ZNF684: variants seen among roughly 807,000 people sequenced by gnomAD.
The protein encoded by ZNF684 is hypothetical protein MGC27466.
ZNF684 carries 13 observed loss-of-function variants against 12.8 expected under a neutral mutation model. That is an observed-to-expected ratio of 1.02 (90% confidence interval 0.66 to 1.62). The LOEUF (loss-of-function observed/expected upper bound fraction) is 1.62. Among genes scored for constraint, ZNF684 ranks in the 40% most tolerant of loss-of-function variants. The pLI, the probability that ZNF684 is intolerant of heterozygous loss-of-function variation, is 0.00. For missense variants in ZNF684, 384 were observed against 446.9 expected (o/e 0.86, Z 1.27); for synonymous variants, 118 against 151.8 (o/e 0.78, Z 1.64).
intron 2 of ZNF684, among the ~76,000 whole-genome samples, chr1:40,537,013 C>T (rs1645989212): frequency 6.6e-6 from 1 of 152,112 alleles, no homozygotes; most frequent in African/African-American, 2.4e-5. Context: ...ATTTTTATTC[C>T]TTTGGGTATA....
Position 40,541,691 on chromosome 1 carries a change from TC to T in ZNF684, c.221del (p.Pro74HisfsTer27), listed in dbSNP as rs777265028. 4 of 1,613,056 alleles carry T rather than the reference TC, an allele frequency of 2.5e-6. No homozygotes were observed. The African/African-American group carries it at 5.3e-5, about 22-fold the overall frequency. On this transcript the variant is annotated frameshift_variant, in exon 4 of 5. Transcript: ENST00000372699. LOFTEE classifies it low-confidence loss of function (END_TRUNC). ...QEPWMVEGAN[P>X]HESSPESDYP... ...AGCCATGGATGGTGGAGGGAGCGAA[TC>T]CACACGAGAGCTCTCCAGGTGAGTG... is the stretch of plus-strand genomic sequence containing the variant.
chr1:40,546,117 T>G (rs1646045679), intron 4 of ZNF684, among the ~76,000 whole-genome samples: 1 of 152,026 alleles, frequency 6.6e-6, no homozygotes, highest in African/African-American at 2.4e-5. Context: ...GAGACCAGGT[T>G]TCACCATGTT....
At chr1:40,533,754 C>G (rs945860256) in intron 2 of ZNF684, among the ~76,000 whole-genome samples, 1 of 151,248 alleles carries the variant, frequency 6.6e-6, no homozygotes, top group African/African-American at 2.4e-5. Flanking sequence ...ATTTACTCTT[C>G]TACATGAATT....
intron 2 of ZNF684, among the ~76,000 whole-genome samples, chr1:40,534,783 A>G (rs1645975554): frequency 6.6e-6 from 1 of 151,694 alleles, no homozygotes; most frequent in African/African-American, 2.4e-5. Flanking sequence ...GCTTGAGGCC[A>G]GGAGTTCAAG....
Position 40,548,144 on chromosome 1 carries a change from TA to T in ZNF684, c.*687del, listed in dbSNP as rs1646061980. 1 of 152,266 alleles carries T rather than the reference TA, an allele frequency of 6.6e-6. No homozygotes were observed. Among genetic ancestry groups the T allele is most frequent in the African/African-American group, 2.4e-5 (1 of 41,474 alleles). 9.4% of individuals were successfully genotyped at this position (152,266 alleles called of 1,614,324 possible). A position where few individuals can be genotyped will look rare whatever the true frequency, so the allele number is the denominator to read the frequency against. ...TGAGGAAAAGAATTATTTAAATATGTAAATAAATAATTTGCACTTCAAATAT... is the reference window on the plus strand; with the variant it reads ...TGAGGAAAAGAATTATTTAAATATGTAATAAATAATTTGCACTTCAAATAT... On this transcript the variant is annotated 3_prime_UTR_variant, in exon 5 of 5. Transcript: ENST00000372699.
At chr1:40,532,488 C>T (rs1325113253) in intron 1 of ZNF684, among the ~76,000 whole-genome samples, 1 of 151,198 alleles carries the variant, frequency 6.6e-6, no homozygotes, top group East Asian at 1.9e-4. Flanking sequence ...CTTGGTGTAT[C>T]TGCAGATCTT....
chr1:40,541,396 G>A, intron 3 of ZNF684: 1 of 363,592 alleles, frequency 2.8e-6, no homozygotes, highest in Non-Finnish European at 5.4e-6. Context: ...TGTTAGCCAG[G>A]ATGGTCTCGA....
At chr1:40,543,175 T>G (rs756220408) in intron 4 of ZNF684, among the ~76,000 whole-genome samples, 1 of 152,236 alleles carries the variant, frequency 6.6e-6, no homozygotes, top group Non-Finnish European at 1.5e-5. Flanking sequence ...AGCTGAATTT[T>G]AATTACTGAT....
In ZNF684 at chr1:40,547,555, G is replaced by T; in HGVS notation, c.*95G>T. 5.9e-6 allele frequency: 7 copies of T among 1,182,390 alleles called. No individual in the cohort carries two copies. The highest frequency in any genetic ancestry group is 8.0e-6 in the Non-Finnish European group (7 of 877,400). The allele number at this position is 1,182,390 out of a possible 1,614,324, so 73.2% of individuals were successfully genotyped here. On this transcript the variant is annotated 3_prime_UTR_variant, in exon 5 of 5. Coordinates refer to ENST00000372699, the MANE Select transcript of ZNF684 (RefSeq NM_152373.4). ...ATGGTGAGAAGTCTACAATTTAAATGAATTTGGAAGAGTAGATTCCCATAA... is the reference window on the plus strand; with the variant it reads ...ATGGTGAGAAGTCTACAATTTAAATTAATTTGGAAGAGTAGATTCCCATAA...
intron 4 of ZNF684, among the ~76,000 whole-genome samples, chr1:40,545,512 T>A (rs1194277521): frequency 6.6e-6 from 1 of 152,126 alleles, no homozygotes; most frequent in Non-Finnish European, 1.5e-5. Context: ...AATAAAAAAA[T>A]AATAGCAAAT....
intron 4 of ZNF684, 150 bp from the exon 5 acceptor site, chr1:40,546,412 A>G (rs1313467089): frequency 4.2e-6 from 3 of 717,592 alleles, no homozygotes; most frequent in Non-Finnish European, 6.4e-6. Flanking sequence ...TTCCCTCTTC[A>G]GCAGTTTTAT....
rs191120037 is a variant in ZNF684 at position 40,547,501 on chromosome 1, G to T, written c.*41G>T. 1 of 1,491,360 alleles carries T rather than the reference G, an allele frequency of 6.7e-7. No homozygotes were observed. The highest frequency in any genetic ancestry group is 1.4e-5 in the African/African-American group (1 of 70,718). 92.4% of individuals were successfully genotyped at this position (1,491,360 alleles called of 1,614,324 possible). ...TATGAGAAGGCCTTATTAAATATTTGCTAAATCTTATTAAATACTAAAGAA... is the reference window on the plus strand; with the variant it reads ...TATGAGAAGGCCTTATTAAATATTTTCTAAATCTTATTAAATACTAAAGAA... On this transcript the variant is annotated 3_prime_UTR_variant, in exon 5 of 5. Transcript: ENST00000372699.
intron 4 of ZNF684, among the ~76,000 whole-genome samples, chr1:40,543,908 T>G (rs1013385382): frequency 3.3e-5 from 5 of 152,198 alleles, no homozygotes; most frequent in African/African-American, 1.2e-4. Context: ...GCCAATTCTA[T>G]TATGACTCTG....
chr1:40,541,255 TGC>T, intron 3 of ZNF684: 1 of 165,880 alleles, frequency 6.0e-6, no homozygotes, highest in Non-Finnish European at 1.3e-5. Context: ...AGTGCAGTGG[TGC>T]AATCTCGGCT....
chr1:40,541,770 G>A (rs1646017955), intron 4 of ZNF684, 60 bp downstream of exon 4: 1 of 1,400,676 alleles, frequency 7.1e-7, no homozygotes, highest in African/African-American at 1.4e-5. Context: ...GGTCAGTGAG[G>A]GACAGGAAGT....
At chr1:40,533,242 G>A (rs1645967131) in intron 2 of ZNF684, 61 bp downstream of exon 2, 1 of 1,497,212 alleles carries the variant, frequency 6.7e-7, no homozygotes, top group African/African-American at 1.4e-5. Flanking sequence ...ATGATAAAAA[G>A]GAAATGTATG....
intron 2 of ZNF684, among the ~76,000 whole-genome samples, chr1:40,538,420 C>T (rs1645996371): frequency 6.6e-6 from 1 of 152,208 alleles, no homozygotes; most frequent in Non-Finnish European, 1.5e-5. Context: ...AGTTCATGGA[C>T]ACCAGATTAT....
At chr1:40,533,823 C>CTT (rs574077502) in intron 2 of ZNF684, among the ~76,000 whole-genome samples, 15,342 of 123,760 alleles carry the variant, frequency 0.12, 1,342 homozygotes, top group East Asian at 0.33. Context: ...GTTAGGTATT[C>CTT]TTTTTTTTTT....
In ZNF684 at chr1:40,539,090, C is replaced by T. The variant is rs1252211534; in HGVS notation, c.16-1496C>T. On this transcript the variant is annotated intron_variant, in intron 2 of 4. Coordinates refer to ENST00000372699, the MANE Select transcript of ZNF684 (RefSeq NM_152373.4). The stretch of plus-strand genomic sequence containing the variant: ...TGTCACCCAGGCTGGAGTGCAGTGG[C>T]GCAATCTCGGCTCACTGCAACCTCC... Among the ~76,000 whole-genome samples the T allele has an allele frequency of 4.0e-5, 6 of 151,798 alleles. 1 individual carries two copies. Among genetic ancestry groups the T allele is most frequent in the African/African-American group, 9.7e-5 (4 of 41,442 alleles).
Sources: gnomAD v4.1 joint callset for allele counts (sites outside exome capture counted in the v4.1 genomes callset) on GRCh38, gnomAD v4.1.1 for gene constraint, MANE v1.5 for transcripts, NCBI Gene and HGNC (gene_info 2026-07-23, HGNC 2026-07-21) for gene names.